Variants in PCNX1 observed in about 807,000 individuals in gnomAD.
PCNX1 encodes the protein pecanex 1.
In PCNX1, 78 loss-of-function variants were observed where a neutral mutation model predicts 242.2. That is an observed-to-expected ratio of 0.32 (90% CI 0.27 to 0.39). The LOEUF (loss-of-function observed/expected upper bound fraction) is 0.39, where lower values mean the gene tolerates loss of function less well. Among genes scored for constraint, PCNX1 ranks in the 10% least tolerant of loss-of-function variants. The probability of loss-of-function intolerance (pLI) is 1.00; values close to 1 mark genes in which losing one functional copy is unlikely to be tolerated. For missense variants in PCNX1, 2,581 were observed against 2,856.5 expected, an observed-to-expected ratio of 0.90 and a Z score of 2.20; for synonymous variants, 1,024 against 1,032.9, an observed-to-expected ratio of 0.99 and a Z score of 0.17.
intron 26 of PCNX1, among the ~76,000 whole-genome samples, chr14:71,068,576 G>A (rs1184351234): frequency 7.4e-6 from 1 of 135,252 alleles, no homozygotes; most frequent in Non-Finnish European, 1.5e-5. Context: ...GACTTTTTAG[G>A]TTTGTATGTA....
rs1566803486 is a variant in PCNX1, at chr14:70,907,461, C to G, written c.-390C>G. 6.6e-6 allele frequency: 1 copy of G among 152,492 alleles called. No homozygotes were observed. Among genetic ancestry groups the G allele is most frequent in the East Asian group, 1.9e-4 (1 of 5,178 alleles). 9.4% of individuals were successfully genotyped at this position (152,492 alleles called of 1,614,324 possible). A position where few individuals can be genotyped will look rare whatever the true frequency, so the allele number is the denominator to read the frequency against. Reference sequence around the variant, plus strand: ...TCGGTCGCTCCCTGGCGCCGGGCCTCTTTCTCTGCCTGGCCCAGGGCTGGC... The same window carrying G: ...TCGGTCGCTCCCTGGCGCCGGGCCTGTTTCTCTGCCTGGCCCAGGGCTGGC... On this transcript the variant is annotated 5_prime_UTR_variant, in exon 1 of 36. Transcript: ENST00000304743.
chr14:71,043,061 T>C (rs1353296716), intron 19 of PCNX1, among the ~76,000 whole-genome samples: 1 of 152,090 alleles, frequency 6.6e-6, no homozygotes, highest in East Asian at 1.9e-4. Context: ...GGATAAAGCT[T>C]TTCTTGGTAT....
In PCNX1 at chr14:71,103,563, C is replaced by T. The variant is rs778203214; in HGVS notation, c.5989C>T (p.Pro1997Ser). Residue 1997 changes from proline to serine, a missense_variant, in exon 32 of 36, where the codon CCC (proline) becomes TCC (serine). Physicochemically the swap from Pro to Ser is moderately conservative, Grantham distance 74. This residue lies in a region of PCNX1 where 432 missense variants were observed against 433.6 expected (regional missense o/e 1.00). Transcript: ENST00000304743. ...TATTGGCTACCCAATCTTTGTCTCA[C>T]CCCTGACAACTTCTTACTCTGACAG... ...QPIGYPIFVSPLTTSYSDSHE... is the reference protein window; with the variant it reads ...QPIGYPIFVSSLTTSYSDSHE... The T allele has an allele frequency of 2.5e-6, 4 of 1,614,142 alleles. No homozygotes were observed. The highest frequency in any genetic ancestry group is 3.3e-5 in the Admixed American group (2 of 60,028).
rs142211503 is a variant in PCNX1, at chr14:71,033,337, C to T, written c.3559-92C>T. On this transcript the variant is annotated intron_variant, in intron 16 of 35. Transcript: ENST00000304743. Reference sequence around the variant, plus strand: ...TAAAAACTTTTGTTGAATTTAAGTTCGTTGTCTTTTTCCAAAATACGTACA... The same window carrying T: ...TAAAAACTTTTGTTGAATTTAAGTTTGTTGTCTTTTTCCAAAATACGTACA... 7.7e-4 allele frequency: 477 copies of T among 617,210 alleles called. 2 individuals are homozygous for T. In the African/African-American group the frequency reaches 8.1e-3, roughly 10 times the overall value. The allele number at this position is 617,210 out of a possible 1,614,324, so 38.2% of individuals were successfully genotyped here.
At chr14:71,024,789 C>G (rs894830788) in intron 13 of PCNX1, among the ~76,000 whole-genome samples, 2 of 152,226 alleles carry the variant, frequency 1.3e-5, no homozygotes, top group East Asian at 3.9e-4. Context: ...CATCCTCTAC[C>G]TACAAGATGC....
At chr14:71,050,842 G>A in intron 23 of PCNX1, 82 bp downstream of exon 23, 5 of 1,273,014 alleles carry the variant, frequency 3.9e-6, no homozygotes, top group Non-Finnish European at 5.5e-6. Flanking sequence ...GACCTTTCAT[G>A]GTGTAAGTTT....
At chr14:70,957,812 G>A (rs1405849460) in intron 2 of PCNX1, among the ~76,000 whole-genome samples, 1 of 149,340 alleles carries the variant, frequency 6.7e-6, no homozygotes, top group Non-Finnish European at 1.5e-5. Flanking sequence ...GTATGTATAT[G>A]TGTGTGTGTA....
At chr14:71,064,929 C>T (rs1444416678) in intron 26 of PCNX1, among the ~76,000 whole-genome samples, 1 of 152,138 alleles carries the variant, frequency 6.6e-6, no homozygotes, top group Non-Finnish European at 1.5e-5. Context: ...CATCCATGTC[C>T]CTGCAAAGGC....
chr14:70,935,138 T>C (rs1325487046), intron 1 of PCNX1, among the ~76,000 whole-genome samples: 2 of 152,224 alleles, frequency 1.3e-5, no homozygotes, highest in African/African-American at 4.8e-5. Flanking sequence ...TGTGTAACTT[T>C]TGTAATTTGA....
intron 6 of PCNX1, among the ~76,000 whole-genome samples, chr14:70,980,679 C>T (rs910435485): frequency 6.6e-6 from 1 of 151,894 alleles, no homozygotes; most frequent in African/African-American, 2.4e-5. Context: ...TGTTTTGGTT[C>T]TTATTATTTA....
Position 71,103,826 on chromosome 14 carries a change from TTCTTA to T in PCNX1, c.6095+162_6095+166del, listed in dbSNP as rs1181413674. Reference sequence around the variant, plus strand: ...AACTTCAAGAAGTAGAATCTGAGCATTCTTATCTTCAAAATCTTATTAGATAAATC... The same window carrying T: ...AACTTCAAGAAGTAGAATCTGAGCATTCTTCAAAATCTTATTAGATAAATC... On this transcript the variant is annotated intron_variant, in intron 32 of 35. Coordinates refer to ENST00000304743, the MANE Select transcript of PCNX1 (RefSeq NM_014982.3). Among the ~76,000 whole-genome samples the T allele has an allele frequency of 2.6e-5, 4 of 152,330 alleles. No individual in the cohort carries two copies. The East Asian group carries it at 5.8e-4, about 22-fold the overall frequency.
chr14:70,908,965 A>G (rs567378762), intron 1 of PCNX1, among the ~76,000 whole-genome samples: 17 of 152,350 alleles, frequency 1.1e-4, no homozygotes, highest in African/African-American at 4.1e-4. Context: ...GGCTTCATAT[A>G]AAATTTTAAA....
chr14:70,981,203 A>G (rs1364904540), intron 6 of PCNX1, among the ~76,000 whole-genome samples: 1 of 152,166 alleles, frequency 6.6e-6, no homozygotes, highest in Admixed American at 6.5e-5. Flanking sequence ...CCTGGCACAC[A>G]GTAAATGCTT....
At chr14:71,018,959 T>C (rs1283926023) in intron 11 of PCNX1, 50 bp from the exon 12 acceptor site, 1 of 1,467,222 alleles carries the variant, frequency 6.8e-7, no homozygotes, top group Middle Eastern at 1.8e-4. Flanking sequence ...TCCATTTGGT[T>C]AATTTCTTAT....
Position 71,057,608 on chromosome 14 carries a change from A to G in PCNX1, c.4736A>G (p.Asn1579Ser). ...GATTTGCTACTAGGACGGTGGGGAA[A>G]CTACAGTACAGGGGACTGTTTCATC... ...CGDLLLGRWG[N>S]YSTGDCFILA... Residue 1579 changes from asparagine (N) to serine (S), a missense_variant, in exon 26 of 36, where the codon AAC (asparagine) becomes AGC (serine). Asn to Ser is a conservative substitution (Grantham distance 46). This residue lies in a region of PCNX1 where 54 missense variants were observed against 45.3 expected (regional missense o/e 1.19). Coordinates refer to ENST00000304743, the MANE Select transcript of PCNX1 (RefSeq NM_014982.3). 2 of 1,613,260 alleles carry G rather than the reference A, an allele frequency of 1.2e-6. No homozygotes were observed. Among genetic ancestry groups the G allele is most frequent in the Non-Finnish European group, 8.5e-7 (1 of 1,179,220 alleles).
chr14:71,074,031 C>T (rs1226142879), intron 27 of PCNX1, among the ~76,000 whole-genome samples: 2 of 152,174 alleles, frequency 1.3e-5, no homozygotes, highest in East Asian at 3.8e-4. Flanking sequence ...AATAGCTAGA[C>T]ATTTGTAGCT....
intron 2 of PCNX1, among the ~76,000 whole-genome samples, chr14:70,953,292 A>G (rs1334060489): frequency 2.6e-5 from 4 of 152,088 alleles, no homozygotes; most frequent in Non-Finnish European, 5.9e-5. Context: ...AAAATTTGCC[A>G]TTCATGAAAT....
At chr14:71,043,443 T>C (rs1406428563) in intron 19 of PCNX1, among the ~76,000 whole-genome samples, 1 of 152,134 alleles carries the variant, frequency 6.6e-6, no homozygotes, top group Admixed American at 6.5e-5. Flanking sequence ...TATTTGGTCA[T>C]TTTTGCACTG....
At chr14:71,029,257 G>T (rs905651550) in intron 16 of PCNX1, among the ~76,000 whole-genome samples, 2 of 152,070 alleles carry the variant, frequency 1.3e-5, no homozygotes, top group African/African-American at 4.8e-5. Context: ...TGAGCCTTAT[G>T]AACTTTCCTT....
Sources: allele counts gnomAD v4.1 joint callset (sites outside exome capture counted in the v4.1 genomes callset), GRCh38; gene constraint gnomAD v4.1.1; regional missense constraint gnomAD v4.1.1; transcripts MANE v1.5; gene names NCBI Gene and HGNC (gene_info 2026-07-23, HGNC 2026-07-21).